Variants in ARL15 observed in about 807,000 individuals in gnomAD.
ARL15 encodes ADP-ribosylation factor-like protein 15.
Under a neutral mutation model 25.2 loss-of-function variants are expected in ARL15, and 19 were observed. The observed-to-expected ratio is 0.75, with a 90% CI of 0.53 to 1.10. The LOEUF is 1.10. Ranked by LOEUF, ARL15 falls within the 50% of genes least tolerant of loss-of-function variation. ARL15 has a pLI of 0.00. For missense variants in ARL15, 220 were observed against 246.0 expected, an observed-to-expected ratio of 0.89 and a Z score of 0.71; for synonymous variants, 94 against 86.8, an observed-to-expected ratio of 1.08 and a Z score of -0.46.
chr5:53,905,780 T>C lies in ARL15; in HGVS notation c.463-19067A>G, dbSNP rs115424361. 4.0e-3 allele frequency among the ~76,000 whole-genome samples: 613 copies of C among 152,312 alleles called. 7 individuals carry two copies. Among genetic ancestry groups the C allele is most frequent in the African/African-American group, 0.014 (573 of 41,570 alleles). Reference sequence around the variant, plus strand: ...ATTCCAATGCCTGACAAATGATAGCTTGTACCAATGATCTATTTTTAACTA... The same window carrying C: ...ATTCCAATGCCTGACAAATGATAGCCTGTACCAATGATCTATTTTTAACTA... On this transcript the variant is annotated intron_variant, in intron 4 of 4. Coordinates refer to ENST00000504924, the MANE Select transcript of ARL15 (RefSeq NM_019087.3).
At chr5:53,995,176 G>A (rs1444126722) in intron 4 of ARL15, among the ~76,000 whole-genome samples, 1 of 152,018 alleles carries the variant, frequency 6.6e-6, no homozygotes, top group African/African-American at 2.4e-5. Context: ...GGGCATGGTG[G>A]TGGGTGACTG....
chr5:54,220,656 G>A (rs868500311), intron 1 of ARL15, among the ~76,000 whole-genome samples: 1 of 152,068 alleles, frequency 6.6e-6, no homozygotes, highest in Non-Finnish European at 1.5e-5. Flanking sequence ...ACCTTCGGAC[G>A]CCGCATGCTA....
intron 4 of ARL15, among the ~76,000 whole-genome samples, chr5:54,070,052 T>C (rs762031206): frequency 4.6e-5 from 7 of 151,458 alleles, no homozygotes; most frequent in Non-Finnish European, 7.4e-5. Context: ...GATTAATGGA[T>C]TATCATGGGA....
intron 2 of ARL15, among the ~76,000 whole-genome samples, chr5:54,166,595 C>T (rs573633843): frequency 5.8e-4 from 89 of 152,176 alleles, no homozygotes; most frequent in African/African-American, 2.0e-3. Flanking sequence ...GCCATTATTT[C>T]TTCAAATATT....
At chr5:54,185,422 C>T (rs1401186204) in intron 1 of ARL15, among the ~76,000 whole-genome samples, 1 of 152,180 alleles carries the variant, frequency 6.6e-6, no homozygotes, top group African/African-American at 2.4e-5. Context: ...ACTGTCATAA[C>T]ACTCATCATT....
intron 4 of ARL15, chr5:53,951,530 T>A: frequency 2.1e-6 from 1 of 471,774 alleles, no homozygotes; most frequent in South Asian, 1.5e-5. Context: ...AGGTATTCTT[T>A]GTGTTCTTTA....
chr5:54,193,904 T>C (rs989307245), intron 1 of ARL15, among the ~76,000 whole-genome samples: 2 of 152,156 alleles, frequency 1.3e-5, no homozygotes, highest in African/African-American at 4.8e-5. Flanking sequence ...GGTTGAATTT[T>C]TTTAAAAAAC....
chr5:54,250,793 T>C (rs1757219123), intron 1 of ARL15, among the ~76,000 whole-genome samples: 1 of 152,102 alleles, frequency 6.6e-6, no homozygotes, highest in Non-Finnish European at 1.5e-5. Flanking sequence ...AAATCCCACA[T>C]CTTCTGATCC....
At chr5:53,934,847 A>C (rs1173866735) in intron 4 of ARL15, among the ~76,000 whole-genome samples, 2 of 152,208 alleles carry the variant, frequency 1.3e-5, no homozygotes, top group Non-Finnish European at 1.5e-5. Flanking sequence ...TTTCTTTAGG[A>C]AGGTTGACTG....
At chr5:54,149,944 G>A (rs1436717639) in intron 3 of ARL15, among the ~76,000 whole-genome samples, 5 of 152,160 alleles carry the variant, frequency 3.3e-5, no homozygotes, top group South Asian at 2.1e-4. Flanking sequence ...AATGTCCTGC[G>A]TAGGAATCAG....
intron 4 of ARL15, among the ~76,000 whole-genome samples, chr5:53,908,171 T>C (rs1449252614): frequency 6.6e-6 from 1 of 152,178 alleles, no homozygotes; most frequent in East Asian, 1.9e-4. Flanking sequence ...AATTATTTTA[T>C]CATTAGTTAC....
intron 4 of ARL15, among the ~76,000 whole-genome samples, chr5:54,002,227 G>T (rs1247660288): frequency 1.3e-5 from 2 of 152,172 alleles, no homozygotes; most frequent in Admixed American, 6.5e-5. Context: ...ATAAAGCAAA[G>T]CCAATTTAAT....
chr5:53,913,105 A>C (rs915432439), intron 4 of ARL15, among the ~76,000 whole-genome samples: 1 of 152,062 alleles, frequency 6.6e-6, no homozygotes, highest in African/African-American at 2.4e-5. Context: ...TCAAGACCAG[A>C]CTGGGCAACA....
intron 1 of ARL15, among the ~76,000 whole-genome samples, chr5:54,180,212 T>A (rs543990675): frequency 6.6e-6 from 1 of 152,154 alleles, no homozygotes; most frequent in Admixed American, 6.5e-5. Context: ...AAATAAAATA[T>A]GTTGGAGGAG....
intron 4 of ARL15, among the ~76,000 whole-genome samples, chr5:54,082,547 C>G (rs1425106888): frequency 6.6e-6 from 1 of 152,242 alleles, no homozygotes; most frequent in African/African-American, 2.4e-5. Flanking sequence ...CTTGTGACTG[C>G]AAGTTGAATA....
At chr5:53,902,628 C>T (rs562215911) in intron 4 of ARL15, among the ~76,000 whole-genome samples, 12 of 152,286 alleles carry the variant, frequency 7.9e-5, no homozygotes, top group South Asian at 4.1e-4. Context: ...GTCCTAACAA[C>T]GACAACATTT....
chr5:53,953,178 G>A (rs1010548745), intron 4 of ARL15, among the ~76,000 whole-genome samples: 2 of 152,100 alleles, frequency 1.3e-5, no homozygotes, highest in Non-Finnish European at 2.9e-5. Flanking sequence ...GGATTTGATT[G>A]GAGGCCTTAT....
chr5:54,112,885 T>C (rs1752781596), intron 4 of ARL15, among the ~76,000 whole-genome samples: 1 of 152,138 alleles, frequency 6.6e-6, no homozygotes, highest in Non-Finnish European at 1.5e-5. Flanking sequence ...AAGAAGAGAA[T>C]GAACTAAGTC....
At chr5:54,017,543 C>T (rs1287094513) in intron 4 of ARL15, among the ~76,000 whole-genome samples, 4 of 147,262 alleles carry the variant, frequency 2.7e-5, no homozygotes, top group African/African-American at 1.0e-4. Flanking sequence ...CCAGAAGGAG[C>T]ATGTTCTGTC....
Sources: gnomAD v4.1 joint callset for allele counts (sites outside exome capture counted in the v4.1 genomes callset) on GRCh38, gnomAD v4.1.1 for gene constraint, MANE v1.5 for transcripts, NCBI Gene and HGNC (gene_info 2026-07-23, HGNC 2026-07-21) for gene names.